ACTR8: variants seen among roughly 807,000 people sequenced by gnomAD.
The protein encoded by ACTR8 is actin-related protein 8.
In ACTR8, 70 loss-of-function variants were observed where a neutral mutation model predicts 84.3. The observed-to-expected ratio is 0.83, with a 90% CI of 0.68 to 1.01. The LOEUF (loss-of-function observed/expected upper bound fraction) is 1.01, where lower values mean the gene tolerates loss of function less well. ACTR8 is among the 50% of genes least tolerant of loss of function. The pLI is 0.00. For synonymous variants in ACTR8, 268 were observed against 275.2 expected (o/e 0.97, Z 0.26); for missense variants, 672 against 775.4 (o/e 0.87, Z 1.58).
chr3:53,870,290 A>T lies in ACTR8; in HGVS notation c.1568-145T>A. On this transcript the variant is annotated intron_variant, in intron 11 of 12. Transcript: ENST00000335754. The surrounding 1 kb of genome is among the most constrained non-coding windows in gnomAD (Gnocchi z 4.1). ...CACCCTCCACACTGCAGCCAGGGGAACCCTACGAAACACAAATGTAGGCAT... is the reference window on the plus strand; with the variant it reads ...CACCCTCCACACTGCAGCCAGGGGATCCCTACGAAACACAAATGTAGGCAT... The T allele has an allele frequency of 1.1e-6, 1 of 882,320 alleles. No individual in the cohort carries two copies. The highest frequency in any genetic ancestry group is 1.7e-6 in the Non-Finnish European group (1 of 576,690). The allele number at this position is 882,320 out of a possible 1,614,324, so 54.7% of individuals were successfully genotyped here. A position where few individuals can be genotyped will look rare whatever the true frequency, so the allele number is the denominator to read the frequency against.
chr3:53,868,489 T>C lies in ACTR8; in HGVS notation c.*230A>G. On this transcript the variant is annotated 3_prime_UTR_variant, in exon 13 of 13. Transcript: ENST00000335754. ...AGACCCTGAGAGAGGGCAAGAGAGT[T>C]TACAACTGAAGAGAAAGTTCCTATT... The C allele has an allele frequency of 1.8e-6, 1 of 555,608 alleles. No individual in the cohort carries two copies. Among genetic ancestry groups the C allele is most frequent in the Non-Finnish European group, 3.1e-6 (1 of 327,756 alleles). The allele number at this position is 555,608 out of a possible 1,614,324, so 34.4% of individuals were successfully genotyped here. A position where few individuals can be genotyped will look rare whatever the true frequency, so the allele number is the denominator to read the frequency against.
At position 53,867,142 on chromosome 3, in the gene ACTR8, CA is replaced by C. The variant is rs1699802752; in HGVS notation, c.*1576del. 1 of 152,240 alleles carries C rather than the reference CA, an allele frequency of 6.6e-6. No homozygotes were observed. The allele number at this position is 152,240 out of a possible 1,614,324, so 9.4% of individuals were successfully genotyped here. On this transcript the variant is annotated 3_prime_UTR_variant, in exon 13 of 13. Transcript: ENST00000335754. Reference sequence around the variant, plus strand: ...GTAAGTGCTGGTAATAGAAGATGGACATGGTTTAGGTCAAAACTTGGACCAG... The same window carrying C: ...GTAAGTGCTGGTAATAGAAGATGGACTGGTTTAGGTCAAAACTTGGACCAG...
downstream of ACTR8, among the ~76,000 whole-genome samples, chr3:53,866,484 T>A (rs142312482): frequency 3.5e-4 from 54 of 152,148 alleles, no homozygotes; most frequent in East Asian, 6.5e-3. Context: ...TTAAATTTTT[T>A]AAATTTTTTT....
chr3:53,873,024 T>C lies in ACTR8; in HGVS notation c.1161+8A>G. The C allele has an allele frequency of 3.1e-6, 5 of 1,599,744 alleles. No homozygotes were observed. The highest frequency in any genetic ancestry group is 3.4e-6 in the Non-Finnish European group (4 of 1,169,380). On this transcript the variant is annotated splice_region_variant and intron_variant, in intron 9 of 12. Coordinates refer to ENST00000335754, the MANE Select transcript of ACTR8 (RefSeq NM_022899.5). Reference sequence around the variant, plus strand: ...TTCTACCCATGGAAACAGATACCTATAAGTTACCTGCAGTTTTTCATCTCC... The same window carrying C: ...TTCTACCCATGGAAACAGATACCTACAAGTTACCTGCAGTTTTTCATCTCC...
In ACTR8 at chr3:53,882,090, A is replaced by T; in HGVS notation, c.12T>A (p.Ala4=). MTQ[A]EKGDTENGKE... Reference sequence around the variant, plus strand: ...TTCCGTTCTCCGTATCACCCTTCTCAGCCTGGGTCATTATGGCCGGAGACA... The same window carrying T: ...TTCCGTTCTCCGTATCACCCTTCTCTGCCTGGGTCATTATGGCCGGAGACA... Residue 4 remains alanine (A), a synonymous_variant, in exon 1 of 13, where the codon GCT becomes GCA. Coordinates refer to ENST00000335754, the MANE Select transcript of ACTR8 (RefSeq NM_022899.5). 1.9e-6 allele frequency: 3 copies of T among 1,551,436 alleles called. No homozygotes were observed. The highest frequency in any genetic ancestry group is 2.6e-6 in the Non-Finnish European group (3 of 1,146,810).
At position 53,880,610 on chromosome 3, in the gene ACTR8, A is replaced by G. The variant is rs115680272; in HGVS notation, c.124-501T>C. Reference sequence around the variant, plus strand: ...TACTATAGTAAAGCCTTTCAACGTGATCCACTGCCTTCACAAGAGGTCAGA... The same window carrying G: ...TACTATAGTAAAGCCTTTCAACGTGGTCCACTGCCTTCACAAGAGGTCAGA... On this transcript the variant is annotated intron_variant, in intron 1 of 12. Coordinates refer to ENST00000335754, the MANE Select transcript of ACTR8 (RefSeq NM_022899.5). 1.7e-3 allele frequency among the ~76,000 whole-genome samples: 265 copies of G among 152,274 alleles called. 1 individual carries two copies. Among genetic ancestry groups the G allele is most frequent in the African/African-American group, 6.1e-3 (253 of 41,560 alleles).
chr3:53,874,724 T>TA lies in ACTR8; in HGVS notation c.912-361dup, dbSNP rs528130238. On this transcript the variant is annotated intron_variant, in intron 7 of 12. Transcript: ENST00000335754. Reference sequence around the variant, plus strand: ...CTGGGTGACAGAGTAAGATTCTATCTAAAAAAAAAAAAGAAACACAAAAAA... The same window carrying TA: ...CTGGGTGACAGAGTAAGATTCTATCTAAAAAAAAAAAAAGAAACACAAAAAA... Among the ~76,000 whole-genome samples the TA allele has an allele frequency of 3.8e-3, 523 of 136,772 alleles. 4 individuals are homozygous for TA. The highest frequency in any genetic ancestry group is 0.012 in the African/African-American group (439 of 37,134). The allele number at this position is 136,772 out of a possible 152,430, so 89.7% of individuals were successfully genotyped here. A position where few individuals can be genotyped will look rare whatever the true frequency, so the allele number is the denominator to read the frequency against.
At chr3:53,863,515 G>C (rs991998245), downstream of ACTR8, among the ~76,000 whole-genome samples, 1 of 152,200 alleles carries the variant, frequency 6.6e-6, no homozygotes, top group South Asian at 2.1e-4. Flanking sequence ...GAAAGCCACA[G>C]GGGCACCTGG....
the ACTR8 span, chr3:53,859,958 C>T: frequency 7.9e-6 from 4 of 507,316 alleles, 1 homozygote; most frequent in South Asian, 5.6e-5. Context: ...TGCAGTGAAC[C>T]GAGATTGCGC....
At chr3:53,860,785 G>T in the ACTR8 span, 1 of 151,974 alleles carries the variant, frequency 6.6e-6, no homozygotes, top group Non-Finnish European at 1.5e-5. Flanking sequence ...GAAGAAAAAG[G>T]TATGTCATAA....
intron 1 of ACTR8, among the ~76,000 whole-genome samples, chr3:53,880,591 A>G (rs183884647): frequency 2.0e-5 from 3 of 152,302 alleles, no homozygotes; most frequent in Admixed American, 2.0e-4. Flanking sequence ...CTCTTACTAT[A>G]GTAAAGCCTT....
At chr3:53,866,951 G>A (rs891647492), downstream of ACTR8, 5 of 152,050 alleles carry the variant, frequency 3.3e-5, no homozygotes, top group Non-Finnish European at 5.9e-5. Flanking sequence ...ATCCTTAAAG[G>A]GCCACCTCAT....
intron 4 of ACTR8, 92 bp from the exon 5 acceptor site, chr3:53,877,479 G>A: frequency 1.4e-6 from 2 of 1,396,238 alleles, no homozygotes; most frequent in Non-Finnish European, 1.9e-6. Flanking sequence ...AACGTTTGCT[G>A]AATGTGAGAA....
chr3:53,879,927 T>C lies in ACTR8; in HGVS notation c.294+12A>G. 6.3e-7 allele frequency: 1 copy of C among 1,598,486 alleles called. No individual in the cohort carries two copies. Among genetic ancestry groups the C allele is most frequent in the South Asian group, 1.1e-5 (1 of 90,112 alleles). On this transcript the variant is annotated intron_variant, in intron 2 of 12. Transcript: ENST00000335754. Reference sequence around the variant, plus strand: ...AACCTTAGGCTTTCTCTCCAGGTCGTTTTTGACTTACATTTAGTCCCTCCC... The same window carrying C: ...AACCTTAGGCTTTCTCTCCAGGTCGCTTTTGACTTACATTTAGTCCCTCCC...
In ACTR8 at chr3:53,871,433, G is replaced by C; in HGVS notation, c.1366C>G (p.Arg456Gly). 6.2e-7 allele frequency: 1 copy of C among 1,614,190 alleles called. No individual in the cohort carries two copies. The highest frequency in any genetic ancestry group is 8.5e-7 in the Non-Finnish European group (1 of 1,180,028). Residue 456 changes from arginine (R) to glycine (G), a missense_variant, in exon 11 of 13, where the codon CGT (arginine) becomes GGT (glycine). Coordinates refer to ENST00000335754, the MANE Select transcript of ACTR8 (RefSeq NM_022899.5). ...TCTGGAAGATCAGAGGACTGGCCAC[G>C]AAGATCCCCTTCAAATCCAATAGGT... ...SKPIGFEGDLRGQSSDLPERL... is the reference protein window; with the variant it reads ...SKPIGFEGDLGGQSSDLPERL...
In ACTR8 at chr3:53,871,273, A is replaced by G. The variant is rs2107053352; in HGVS notation, c.1526T>C (p.Leu509Pro). The part of the protein sequence containing the change: ...TAISLFEGKA[L>P]GLDKAILHSI... ...ATGGAGGATGGCTTTATCCAGGCCCAGGGCTTTTCCTTCAAACAGCGAGAT... is the reference window on the plus strand; with the variant it reads ...ATGGAGGATGGCTTTATCCAGGCCCGGGGCTTTTCCTTCAAACAGCGAGAT... Residue 509 changes from leucine to proline, a missense_variant, in exon 11 of 13, where the codon CTG becomes CCG. By Grantham distance (98) the Leu-to-Pro change is moderately conservative. Coordinates refer to ENST00000335754, the MANE Select transcript of ACTR8 (RefSeq NM_022899.5). The G allele has an allele frequency of 6.2e-7, 1 of 1,614,250 alleles. No individual in the cohort carries two copies. Among genetic ancestry groups the G allele is most frequent in the South Asian group, 1.1e-5 (1 of 91,082 alleles).
In ACTR8 at chr3:53,870,640, G is replaced by A. The variant is rs1699869786; in HGVS notation, c.1568-495C>T. 1.4e-5 allele frequency among the ~76,000 whole-genome samples: 2 copies of A among 145,458 alleles called. 1 individual carries two copies. Among genetic ancestry groups the A allele is most frequent in the South Asian group, 4.4e-4 (2 of 4,586 alleles). ...CACTCTAGCCTGGGCAATGGAGTGA[G>A]ACTCTGAAAAATAAATAAATAAAAT... is the stretch of plus-strand genomic sequence containing the variant. On this transcript the variant is annotated intron_variant, in intron 11 of 12. Coordinates refer to ENST00000335754, the MANE Select transcript of ACTR8 (RefSeq NM_022899.5). This position sits in a 1 kb window ranked among gnomAD's most constrained non-coding sequence, Gnocchi z 4.1.
intron 2 of ACTR8, 139 bp downstream of exon 2, chr3:53,879,799 AT>A: frequency 1.1e-6 from 1 of 881,076 alleles, no homozygotes; most frequent in Non-Finnish European, 1.7e-6. Flanking sequence ...ACTAGCTCTG[AT>A]GAAAAATTAG....
chr3:53,859,374 G>C, the ACTR8 span: 4 of 152,378 alleles, frequency 2.6e-5, no homozygotes, highest in Admixed American at 6.5e-5. Context: ...AACAGTCCAG[G>C]GGTGGGGTCA....
Sources: allele counts gnomAD v4.1 joint callset (sites outside exome capture counted in the v4.1 genomes callset), GRCh38; gene constraint gnomAD v4.1.1; non-coding constraint Gnocchi (gnomAD v3.1); transcripts MANE v1.5; gene names NCBI Gene and HGNC (gene_info 2026-07-23, HGNC 2026-07-21).